MAPRE3: variants seen among roughly 807,000 people sequenced by gnomAD.
The protein encoded by MAPRE3 is microtubule-associated protein RP/EB family member 3.
In MAPRE3, 2 loss-of-function variants were observed where a neutral mutation model predicts 30.5. That is an observed-to-expected ratio of 0.07 (90% CI 0.03 to 0.21). MAPRE3 has a LOEUF of 0.21. Ranked by LOEUF, MAPRE3 falls within the 10% of genes least tolerant of loss-of-function variation. The probability of loss-of-function intolerance (pLI) is 1.00; values close to 1 mark genes in which losing one functional copy is unlikely to be tolerated. For synonymous variants in MAPRE3, 110 were observed against 127.7 expected (o/e 0.86, Z 0.93); for missense variants, 204 against 351.8 (o/e 0.58, Z 3.36).
chr2:27,024,357 C>T, intron 4 of MAPRE3, 60 bp downstream of exon 4: 5 of 1,498,808 alleles, frequency 3.3e-6, no homozygotes, highest in South Asian at 1.2e-5. Context: ...CCTCTATAGC[C>T]AGGAGTGCCC....
At chr2:26,981,535 C>T (rs1666112272) in intron 1 of MAPRE3, among the ~76,000 whole-genome samples, 2 of 152,150 alleles carry the variant, frequency 1.3e-5, no homozygotes, top group Non-Finnish European at 2.9e-5. Context: ...TACTTTTGTT[C>T]ATCTTTGTAT....
At chr2:27,014,910 G>A (rs890985898) in intron 1 of MAPRE3, 2 of 152,292 alleles carry the variant, frequency 1.3e-5, no homozygotes, top group Admixed American at 6.5e-5. Flanking sequence ...CTTCAGGAAC[G>A]GGAAACGTGT....
intron 1 of MAPRE3, among the ~76,000 whole-genome samples, chr2:26,975,717 A>G (rs1324398779): frequency 6.6e-6 from 1 of 152,262 alleles, no homozygotes; most frequent in Non-Finnish European, 1.5e-5. Flanking sequence ...AAGACCAAAT[A>G]GAATGGGTAG....
intron 1 of MAPRE3, among the ~76,000 whole-genome samples, chr2:26,977,359 G>A (rs968094263): frequency 2.6e-5 from 4 of 152,068 alleles, no homozygotes; most frequent in Admixed American, 1.3e-4. Context: ...TACATGTATC[G>A]GAAGGTTTTA....
intron 1 of MAPRE3, among the ~76,000 whole-genome samples, chr2:26,979,406 C>T (rs1666072951): frequency 2.0e-5 from 3 of 152,108 alleles, no homozygotes; most frequent in African/African-American, 4.8e-5. Flanking sequence ...AGCAACATAG[C>T]GAGACCCCAT....
At chr2:27,013,885 C>G (rs1666919076) in intron 1 of MAPRE3, 1 of 152,234 alleles carries the variant, frequency 6.6e-6, no homozygotes, top group African/African-American at 2.4e-5. Context: ...ACCTTTGGCT[C>G]CTGCCAGCGG....
chr2:27,018,666 C>T (rs1667040914), intron 1 of MAPRE3, among the ~76,000 whole-genome samples: 1 of 152,106 alleles, frequency 6.6e-6, no homozygotes, highest in Non-Finnish European at 1.5e-5. Context: ...CCCACTCTGC[C>T]CCTTCGGCAA....
chr2:27,009,835 T>TC (rs1448312737), intron 1 of MAPRE3: 1 of 152,264 alleles, frequency 6.6e-6, no homozygotes, highest in Non-Finnish European at 1.5e-5. Context: ...TACAAAGCTT[T>TC]CCCTGATGCA....
At chr2:26,997,023 C>T (rs947317982) in intron 1 of MAPRE3, 22 of 151,538 alleles carry the variant, frequency 1.5e-4, no homozygotes, top group African/African-American at 5.1e-4. Flanking sequence ...GTGTAGATAT[C>T]TGGAGACCAA....
intron 1 of MAPRE3, chr2:27,002,877 C>T (rs1211787209): frequency 1.3e-5 from 2 of 152,248 alleles, no homozygotes; most frequent in Non-Finnish European, 2.9e-5. Context: ...CACCTGGGAA[C>T]TGGCCTCTTT....
At chr2:26,973,449 C>T (rs997162646) in intron 1 of MAPRE3, among the ~76,000 whole-genome samples, 3 of 152,182 alleles carry the variant, frequency 2.0e-5, no homozygotes, top group African/African-American at 7.2e-5. Flanking sequence ...ATGTGGTACT[C>T]TCCAGAAACT....
At chr2:26,971,596 A>C (rs1665917092) in intron 1 of MAPRE3, among the ~76,000 whole-genome samples, 1 of 149,198 alleles carries the variant, frequency 6.7e-6, no homozygotes, top group African/African-American at 2.5e-5. Flanking sequence ...GTGAATAAGC[A>C]TCTTGCGGAA....
At chr2:26,989,040 C>T (rs941526612) in intron 1 of MAPRE3, among the ~76,000 whole-genome samples, 10 of 152,250 alleles carry the variant, frequency 6.6e-5, no homozygotes, top group Non-Finnish European at 1.3e-4. Flanking sequence ...TCTTGCTGCC[C>T]GACAGGTAGA....
At chr2:27,023,620 T>C (rs1377251161) in intron 3 of MAPRE3, 143 bp downstream of exon 3, 7 of 944,222 alleles carry the variant, frequency 7.4e-6, no homozygotes, top group East Asian at 2.6e-5. Flanking sequence ...AGAGGGAATT[T>C]TCCCCCTGCT....
chr2:27,017,863 TAC>T (rs1403922559), intron 1 of MAPRE3, among the ~76,000 whole-genome samples: 1 of 151,946 alleles, frequency 6.6e-6, no homozygotes, highest in Non-Finnish European at 1.5e-5. Flanking sequence ...TAATATATCA[TAC>T]ACACACACAC....
chr2:27,000,496 CAAG>C (rs903534306), intron 1 of MAPRE3, among the ~76,000 whole-genome samples: 1 of 152,150 alleles, frequency 6.6e-6, no homozygotes, highest in Non-Finnish European at 1.5e-5. Context: ...GACTTAAAAA[CAAG>C]GAGGGAAAAG....
intron 1 of MAPRE3, chr2:27,013,511 T>G (rs951248180): frequency 6.6e-6 from 1 of 152,196 alleles, no homozygotes; most frequent in African/African-American, 2.4e-5. Flanking sequence ...AACCACACTT[T>G]CTGAGTCCAC....
chr2:27,018,030 G>A (rs1667026194), intron 1 of MAPRE3, among the ~76,000 whole-genome samples: 1 of 152,112 alleles, frequency 6.6e-6, no homozygotes, highest in Non-Finnish European at 1.5e-5. Flanking sequence ...AGACCCTTGA[G>A]GCTCAAATGA....
chr2:27,015,975 C>A lies in MAPRE3; in HGVS notation c.-7-6237C>A, dbSNP rs1264933063. Among the ~76,000 whole-genome samples the A allele has an allele frequency of 6.6e-6, 1 of 152,200 alleles. No individual in the cohort carries two copies. The highest frequency in any genetic ancestry group is 1.5e-5 in the Non-Finnish European group (1 of 68,042). Reference sequence around the variant, plus strand: ...GAGCTGTAATTGCCTTTCCCAGTTGCCTGTGAATGCACCATGAACCTTACA... The same window carrying A: ...GAGCTGTAATTGCCTTTCCCAGTTGACTGTGAATGCACCATGAACCTTACA... On this transcript the variant is annotated intron_variant, in intron 1 of 6. Coordinates refer to ENST00000233121, the MANE Select transcript of MAPRE3 (RefSeq NM_012326.4). This position sits in a 1 kb window ranked among gnomAD's most constrained non-coding sequence, Gnocchi z 4.0.
Sources: allele counts gnomAD v4.1 joint callset (sites outside exome capture counted in the v4.1 genomes callset), GRCh38; gene constraint gnomAD v4.1.1; non-coding constraint Gnocchi (gnomAD v3.1); transcripts MANE v1.5; gene names NCBI Gene and HGNC (gene_info 2026-07-23, HGNC 2026-07-21).